Variants in B3GAT2 observed in about 807,000 individuals in gnomAD.
B3GAT2 encodes galactosylgalactosylxylosylprotein 3-beta-glucuronosyltransferase 2.
B3GAT2 carries 26 observed loss-of-function variants against 27.8 expected under a neutral mutation model. The observed-to-expected ratio is 0.93, with a 90% confidence interval of 0.68 to 1.30. The LOEUF (loss-of-function observed/expected upper bound fraction) is 1.30, where lower values mean the gene tolerates loss of function less well. Ranked by LOEUF, B3GAT2 falls within the 50% of genes most tolerant of loss-of-function variation. B3GAT2 has a pLI of 0.00. For missense variants in B3GAT2, 458 were observed against 459.0 expected, an observed-to-expected ratio of 1.00 and a Z score of 0.02; for synonymous variants, 218 against 195.1, an observed-to-expected ratio of 1.12 and a Z score of -0.98.
At chr6:70,932,295 T>G (rs943530325) in intron 1 of B3GAT2, among the ~76,000 whole-genome samples, 1 of 152,184 alleles carries the variant, frequency 6.6e-6, no homozygotes, top group African/African-American at 2.4e-5. Flanking sequence ...TTTACTTCTG[T>G]GTATATACCC....
At position 70,932,570 on chromosome 6, in the gene B3GAT2, T is replaced by C. The variant is rs139345425; in HGVS notation, c.591+23269A>G. Among the ~76,000 whole-genome samples the C allele has an allele frequency of 2.9e-3, 440 of 152,290 alleles. 3 individuals are homozygous for C. The highest frequency in any genetic ancestry group is 3.7e-3 in the Non-Finnish European group (250 of 68,020). On this transcript the variant is annotated intron_variant, in intron 1 of 3. Coordinates refer to ENST00000230053, the MANE Select transcript of B3GAT2 (RefSeq NM_080742.3). ...TATAAATATGGTATGATTCCACTTA[T>C]ATGAGGTACCTAGTCCGATTCATGG... is the stretch of plus-strand genomic sequence containing the variant.
chr6:70,894,258 G>A lies in B3GAT2; in HGVS notation c.606C>T (p.Arg202=). 6.3e-7 allele frequency: 1 copy of A among 1,591,604 alleles called. No homozygotes were observed. Among genetic ancestry groups the A allele is most frequent in the Non-Finnish European group, 8.5e-7 (1 of 1,170,458 alleles). ...LELFQEMRTT[R]KVSVWPVGLV... Reference sequence around the variant, plus strand: ...GGCCCACAGGCCAGACGGAGACCTTGCGGGTGGTTCGCATCTATAAAAAGG... The same window carrying A: ...GGCCCACAGGCCAGACGGAGACCTTACGGGTGGTTCGCATCTATAAAAAGG... The change falls in exon 2 of 4, where the codon CGC becomes CGT. Residue 202 remains arginine, a synonymous_variant. Coordinates refer to ENST00000230053, the MANE Select transcript of B3GAT2 (RefSeq NM_080742.3).
intron 1 of B3GAT2, among the ~76,000 whole-genome samples, chr6:70,943,085 T>C (rs1765419707): frequency 6.6e-6 from 1 of 152,186 alleles, no homozygotes; most frequent in Non-Finnish European, 1.5e-5. Flanking sequence ...TTTTAGTTGT[T>C]TTAGGAAAAA....
At chr6:70,883,216 C>T (rs1424003037) in intron 2 of B3GAT2, among the ~76,000 whole-genome samples, 2 of 152,158 alleles carry the variant, frequency 1.3e-5, no homozygotes, top group African/African-American at 4.8e-5. Context: ...TCCAACAGTT[C>T]TACTTTGGAC....
intron 1 of B3GAT2, 149 bp from the exon 2 acceptor site, chr6:70,894,421 G>A: frequency 1.2e-6 from 1 of 867,164 alleles, no homozygotes; most frequent in East Asian, 2.8e-5. Flanking sequence ...TGCTGCTAGA[G>A]TATGGCCCCC....
intron 1 of B3GAT2, among the ~76,000 whole-genome samples, chr6:70,915,498 G>A (rs954856730): frequency 1.1e-4 from 16 of 152,146 alleles, no homozygotes; most frequent in African/African-American, 3.9e-4. Flanking sequence ...TGCACTGAAG[G>A]GTATTGCCTA....
intron 1 of B3GAT2, among the ~76,000 whole-genome samples, chr6:70,931,505 A>C (rs1241937320): frequency 6.6e-6 from 1 of 152,184 alleles, no homozygotes; most frequent in African/African-American, 2.4e-5. Flanking sequence ...GCAGGCAAGA[A>C]GAACCCATCA....
chr6:70,908,738 G>A (rs892151469), intron 1 of B3GAT2, among the ~76,000 whole-genome samples: 2 of 152,090 alleles, frequency 1.3e-5, no homozygotes, highest in African/African-American at 4.8e-5. Context: ...CAACAAGAGA[G>A]GAAACTTGCA....
chr6:70,924,422 T>A lies in B3GAT2; in HGVS notation c.592-30150A>T, dbSNP rs985612443. Among the ~76,000 whole-genome samples, 6 of 152,254 alleles carry A rather than the reference T, an allele frequency of 3.9e-5. No individual in the cohort carries two copies. In the South Asian group the frequency reaches 6.2e-4, roughly 16 times the overall value. On this transcript the variant is annotated intron_variant, in intron 1 of 3. Coordinates refer to ENST00000230053, the MANE Select transcript of B3GAT2 (RefSeq NM_080742.3). ...AACAGAATAATAATACATCTTAAAATTCACATGGAATCTCAAGGCACCCTG... is the reference window on the plus strand; with the variant it reads ...AACAGAATAATAATACATCTTAAAAATCACATGGAATCTCAAGGCACCCTG...
At chr6:70,927,363 T>G (rs888795537) in intron 1 of B3GAT2, among the ~76,000 whole-genome samples, 1 of 152,166 alleles carries the variant, frequency 6.6e-6, no homozygotes, top group Non-Finnish European at 1.5e-5. Flanking sequence ...AAAGCCCCAA[T>G]TAAAAGACAC....
intron 1 of B3GAT2, among the ~76,000 whole-genome samples, chr6:70,931,380 G>A (rs1239813173): frequency 1.3e-5 from 2 of 151,828 alleles, no homozygotes; most frequent in Non-Finnish European, 1.5e-5. Flanking sequence ...CAAATTTTGG[G>A]GGAGGCTTAT....
At chr6:70,883,921 C>A (rs1274062482) in intron 2 of B3GAT2, among the ~76,000 whole-genome samples, 1 of 151,780 alleles carries the variant, frequency 6.6e-6, no homozygotes, top group African/African-American at 2.4e-5. Flanking sequence ...ATTGAGCGTT[C>A]CCAAACTCTG....
At position 70,955,951 on chromosome 6, in the gene B3GAT2, C is replaced by T. The variant is rs1185378404; in HGVS notation, c.479G>A (p.Arg160His). The T allele has an allele frequency of 1.3e-6, 2 of 1,561,998 alleles. No individual in the cohort carries two copies. Among genetic ancestry groups the T allele is most frequent in the Non-Finnish European group, 1.7e-6 (2 of 1,156,672 alleles). Residue 160 changes from arginine to histidine, a missense_variant, in exon 1 of 4, where the codon CGC (arginine) becomes CAC (histidine). Transcript: ENST00000230053. ...GCGCAGCCAGGCGAGGCCCGCGTTGCGCTGCTCAGTGGCGCGCGGCAGCCC... is the reference window on the plus strand; with the variant it reads ...GCGCAGCCAGGCGAGGCCCGCGTTGTGCTGCTCAGTGGCGCGCGGCAGCCC... ...RPGLPRATEQ[R>H]NAGLAWLRQR...
chr6:70,945,962 C>A (rs1001876569), intron 1 of B3GAT2, among the ~76,000 whole-genome samples: 2 of 151,782 alleles, frequency 1.3e-5, no homozygotes, highest in African/African-American at 4.8e-5. Flanking sequence ...ATCTCATATC[C>A]AGCCAAACTA....
chr6:70,885,411 C>T (rs926202101), intron 2 of B3GAT2, among the ~76,000 whole-genome samples: 10 of 152,106 alleles, frequency 6.6e-5, no homozygotes, highest in Admixed American at 3.3e-4. Flanking sequence ...ACAATGAACA[C>T]GTATCTGCTC....
At chr6:70,917,867 T>A (rs1370472623) in intron 1 of B3GAT2, among the ~76,000 whole-genome samples, 1 of 152,254 alleles carries the variant, frequency 6.6e-6, no homozygotes, top group African/African-American at 2.4e-5. Context: ...GGAGAATGTA[T>A]ATTCTGTTGA....
chr6:70,945,596 A>C (rs1765467227), intron 1 of B3GAT2, among the ~76,000 whole-genome samples: 1 of 151,258 alleles, frequency 6.6e-6, no homozygotes, highest in African/African-American at 2.4e-5. Context: ...TCTACGTCTG[A>C]TTGTGTACCT....
intron 1 of B3GAT2, among the ~76,000 whole-genome samples, chr6:70,905,596 C>T (rs1772588594): frequency 6.6e-6 from 1 of 152,052 alleles, no homozygotes; most frequent in East Asian, 1.9e-4. Context: ...TCAAGGGTCC[C>T]GAGTTCTTTA....
intron 1 of B3GAT2, among the ~76,000 whole-genome samples, chr6:70,953,131 A>C (rs997896996): frequency 1.3e-5 from 2 of 152,192 alleles, no homozygotes; most frequent in African/African-American, 2.4e-5. Context: ...ATTACTGAAA[A>C]ACTAATTGGT....
Sources: allele counts gnomAD v4.1 joint callset (sites outside exome capture counted in the v4.1 genomes callset), GRCh38; gene constraint gnomAD v4.1.1; transcripts MANE v1.5; gene names NCBI Gene and HGNC (gene_info 2026-07-23, HGNC 2026-07-21).